The following DGKG variants were observed in gnomAD, a reference collection of about 807,000 sequenced individuals.
DGKG encodes diacylglycerol kinase gamma.
A neutral mutation model predicts 105.3 loss-of-function variants in DGKG; 78 were observed. The observed-to-expected ratio is 0.74, with a 90% CI of 0.62 to 0.89. The LOEUF (loss-of-function observed/expected upper bound fraction) is 0.89, where lower values mean the gene tolerates loss of function less well. DGKG is among the 40% of genes least tolerant of loss of function. The probability of loss-of-function intolerance (pLI) is 0.00; values close to 1 mark genes in which losing one functional copy is unlikely to be tolerated. For synonymous variants in DGKG, 346 were observed against 367.1 expected, an observed-to-expected ratio of 0.94 and a Z score of 0.66; for missense variants, 958 against 1,020.1, an observed-to-expected ratio of 0.94 and a Z score of 0.83.
At chr3:186,269,411 G>C (rs559091142) in intron 11 of DGKG, among the ~76,000 whole-genome samples, 2 of 152,200 alleles carry the variant, frequency 1.3e-5, no homozygotes, top group African/African-American at 4.8e-5. Context: ...ATTGGTATAA[G>C]AAGTCCCACC....
intron 22 of DGKG, among the ~76,000 whole-genome samples, chr3:186,173,112 C>A (rs1426218359): frequency 6.6e-6 from 1 of 152,206 alleles, no homozygotes; most frequent in Non-Finnish European, 1.5e-5. Flanking sequence ...TATAAGGACA[C>A]CAGTTGGACT....
intron 21 of DGKG, among the ~76,000 whole-genome samples, chr3:186,193,294 G>A (rs970187276): frequency 1.3e-5 from 2 of 152,236 alleles, no homozygotes; most frequent in African/African-American, 4.8e-5. Context: ...TGTGATTCCA[G>A]GTTGTTTCCT....
intron 3 of DGKG, among the ~76,000 whole-genome samples, chr3:186,306,444 G>A (rs1048463752): frequency 1.3e-4 from 20 of 152,044 alleles, no homozygotes; most frequent in Non-Finnish European, 2.5e-4. Context: ...ATATGTTGCT[G>A]AAGCAATGCC....
At chr3:186,279,996 A>G (rs374956909) in intron 8 of DGKG, 23 bp from the exon 9 acceptor site, 7 of 1,613,178 alleles carry the variant, frequency 4.3e-6, no homozygotes, top group Non-Finnish European at 5.9e-6. Context: ...AAGAGCAATC[A>G]TTGTCCATTT....
At chr3:186,318,004 G>A (rs1052887465) in intron 2 of DGKG, among the ~76,000 whole-genome samples, 2 of 152,046 alleles carry the variant, frequency 1.3e-5, no homozygotes, top group Admixed American at 6.6e-5. Flanking sequence ...TTTGTTGTAC[G>A]TGCATTGATG....
intron 20 of DGKG, among the ~76,000 whole-genome samples, chr3:186,234,312 C>G (rs1407588394): frequency 2.0e-5 from 3 of 152,228 alleles, no homozygotes; most frequent in Non-Finnish European, 4.4e-5. Flanking sequence ...TCAACCTCTC[C>G]CTTCTGGAAA....
chr3:186,352,655 C>A (rs188945578), intron 1 of DGKG, among the ~76,000 whole-genome samples: 1 of 152,120 alleles, frequency 6.6e-6, no homozygotes, highest in Non-Finnish European at 1.5e-5. Context: ...CCACCTTTGG[C>A]TTCTCTGCCT....
intron 1 of DGKG, among the ~76,000 whole-genome samples, chr3:186,348,887 A>G (rs977475363): frequency 6.6e-5 from 10 of 151,964 alleles, no homozygotes; most frequent in Non-Finnish European, 1.5e-4. Context: ...ATACCAACAG[A>G]TTTTTTCTTA....
chr3:186,333,755 C>T (rs1725703569), intron 1 of DGKG, among the ~76,000 whole-genome samples: 1 of 152,322 alleles, frequency 6.6e-6, no homozygotes, highest in African/African-American at 2.4e-5. Context: ...AGCGAAGAGA[C>T]ATTGCAGAGC....
At chr3:186,348,309 A>G (rs894439017) in intron 1 of DGKG, among the ~76,000 whole-genome samples, 13 of 149,994 alleles carry the variant, frequency 8.7e-5, no homozygotes, top group African/African-American at 2.9e-4. Context: ...TGTTGACCAG[A>G]ATAGTTTGAG....
intron 19 of DGKG, among the ~76,000 whole-genome samples, chr3:186,246,841 C>T (rs1205768260): frequency 2.6e-5 from 4 of 152,224 alleles, no homozygotes; most frequent in African/African-American, 9.6e-5. Context: ...AGTGCAACCA[C>T]TGTGGCCTCT....
At chr3:186,193,627 G>A (rs1281398676) in intron 21 of DGKG, among the ~76,000 whole-genome samples, 3 of 152,242 alleles carry the variant, frequency 2.0e-5, no homozygotes, top group Non-Finnish European at 2.9e-5. Context: ...CAGAACCCCA[G>A]GCCCGCTCTG....
At position 186,261,450 on chromosome 3, in the gene DGKG, A is replaced by C. The variant is rs192183361; in HGVS notation, c.1349+249T>G. Among the ~76,000 whole-genome samples the C allele has an allele frequency of 2.9e-3, 440 of 152,302 alleles. 1 individual carries two copies. The highest frequency in any genetic ancestry group is 0.01 in the African/African-American group (417 of 41,556). On this transcript the variant is annotated intron_variant, in intron 15 of 24. Transcript: ENST00000265022. Reference sequence around the variant, plus strand: ...TGGTCTTAATAATGGCTCACGTGGCAGGCTGTGGGCTAAGCACCGTGTCTG... The same window carrying C: ...TGGTCTTAATAATGGCTCACGTGGCCGGCTGTGGGCTAAGCACCGTGTCTG...
At chr3:186,287,038 A>ATAAATAAATAAG (rs1252202651) in intron 6 of DGKG, among the ~76,000 whole-genome samples, 1 of 150,822 alleles carries the variant, frequency 6.6e-6, no homozygotes, top group Non-Finnish European at 1.5e-5. Context: ...CCATCTCAAA[A>ATAAATAAATAAG]TAAATAAATA....
chr3:186,174,436 A>G (rs1716974140), intron 22 of DGKG, among the ~76,000 whole-genome samples: 1 of 152,164 alleles, frequency 6.6e-6, no homozygotes, highest in African/African-American at 2.4e-5. Flanking sequence ...AGGGAGGGGA[A>G]GGATAAGTGA....
intron 10 of DGKG, among the ~76,000 whole-genome samples, chr3:186,273,470 G>A (rs981228109): frequency 2.1e-5 from 3 of 145,134 alleles, no homozygotes; most frequent in Non-Finnish European, 4.5e-5. Flanking sequence ...CGACTCCCTG[G>A]TTCAAGTGAT....
intron 21 of DGKG, among the ~76,000 whole-genome samples, chr3:186,211,590 C>A (rs1719040870): frequency 6.6e-6 from 1 of 152,188 alleles, no homozygotes; most frequent in Admixed American, 6.5e-5. Context: ...CCTCTGAGTC[C>A]CAAAGCCCCC....
chr3:186,274,564 T>C lies in DGKG; in HGVS notation c.910+983A>G, dbSNP rs1305538960. Among the ~76,000 whole-genome samples, 4 of 115,616 alleles carry C rather than the reference T, an allele frequency of 3.5e-5. No homozygotes were observed. The Admixed American group carries it at 4.9e-4, about 14-fold the overall frequency. 75.8% of individuals were successfully genotyped at this position (115,616 alleles called of 152,430 possible). ...CCCCCCACCCCACGACAGGCCCCAG[T>C]GTGTGATGTTCCCCACTCTGTGTCC... is the stretch of plus-strand genomic sequence containing the variant. On this transcript the variant is annotated intron_variant, in intron 10 of 24. Coordinates refer to ENST00000265022, the MANE Select transcript of DGKG (RefSeq NM_001346.3).
At position 186,210,635 on chromosome 3, in the gene DGKG, A is replaced by G. The variant is rs1718990059; in HGVS notation, c.1917+1160T>C. 4.4e-6 allele frequency: 2 copies of G among 454,086 alleles called. No homozygotes were observed. Among genetic ancestry groups the G allele is most frequent in the South Asian group, 3.1e-5 (2 of 64,482 alleles). 28.1% of individuals were successfully genotyped at this position (454,086 alleles called of 1,614,324 possible). ...AAAACTCCCTGTGAGTGAGGAGCAC[A>G]GGGGCCCTTCCGGCAGGGAGGGGCA... On this transcript the variant is annotated intron_variant, in intron 21 of 24. Coordinates refer to ENST00000265022, the MANE Select transcript of DGKG (RefSeq NM_001346.3). This position sits in a 1 kb window ranked among gnomAD's most constrained non-coding sequence, Gnocchi z 5.2.
Sources: gnomAD v4.1 joint callset for allele counts (sites outside exome capture counted in the v4.1 genomes callset) on GRCh38, gnomAD v4.1.1 for gene constraint, Gnocchi (gnomAD v3.1) non-coding constraint, MANE v1.5 for transcripts, NCBI Gene and HGNC (gene_info 2026-07-23, HGNC 2026-07-21) for gene names.